The following CDK5 variants were observed in gnomAD, a reference collection of about 807,000 sequenced individuals.
The protein encoded by CDK5 is cyclin-dependent kinase 5.
Under a neutral mutation model 44.6 loss-of-function variants are expected in CDK5, and 18 were observed. That is an observed-to-expected ratio of 0.40 (90% CI 0.28 to 0.60). The LOEUF (loss-of-function observed/expected upper bound fraction) is 0.60, where lower values mean the gene tolerates loss of function less well. Ranked by LOEUF, CDK5 falls within the 20% of genes least tolerant of loss-of-function variation. The pLI is 0.38. For synonymous variants in CDK5, 143 were observed against 152.8 expected (o/e 0.94, Z 0.47); for missense variants, 198 against 368.1 (o/e 0.54, Z 3.78).
chr7:151,057,019 C>G lies in CDK5; in HGVS notation c.127-44G>C. The G allele has an allele frequency of 6.2e-7, 1 of 1,613,470 alleles. No homozygotes were observed. The highest frequency in any genetic ancestry group is 8.5e-7 in the Non-Finnish European group (1 of 1,179,438). ...CGGTGGGCAGCAGTCAGATCCCACC[C>G]AGCCCAGGCCCTCAAACCCCTCCCC... is the stretch of plus-strand genomic sequence containing the variant. On this transcript the variant is annotated intron_variant, in intron 2 of 11. Coordinates refer to ENST00000485972, the MANE Select transcript of CDK5 (RefSeq NM_004935.4). The surrounding 1 kb of genome is among the most constrained non-coding windows in gnomAD (Gnocchi z 5.2).
Position 151,055,523 on chromosome 7 carries a change from C to G in CDK5, c.483+9G>C. On this transcript the variant is annotated intron_variant, in intron 7 of 11. Transcript: ENST00000485972. ...CTCCCCCAATCCCATATCCCATCTT[C>G]TAGCTCACCTCAGCTGAGTAACAGC... 2 of 1,613,416 alleles carry G rather than the reference C, an allele frequency of 1.2e-6. No individual in the cohort carries two copies. Among genetic ancestry groups the G allele is most frequent in the East Asian group, 4.5e-5 (2 of 44,882 alleles).
In CDK5 at chr7:151,056,775, G is replaced by A. The variant is rs531146226; in HGVS notation, c.216C>T (p.Ser72=). The A allele has an allele frequency of 1.9e-4, 301 of 1,612,308 alleles. 1 individual carries two copies. The South Asian group carries it at 2.8e-3, about 15-fold the overall frequency. The change falls in exon 4 of 12, where the codon AGC becomes AGT. Residue 72 remains serine, a synonymous_variant. Transcript: ENST00000485972. This position sits in a 1 kb window ranked among gnomAD's most constrained non-coding sequence, Gnocchi z 4.7. The stretch of plus-strand genomic sequence containing the variant: ...CAAAAACCAAAGTCAGCTTCTTGTC[G>A]CTGTGCAGGACGTCATGAAGCCTAG... ...NIVRLHDVLH[S]DKKLTLVFEF...
rs2150360771 is a variant in CDK5 at position 151,053,861 on chromosome 7, G to A, written c.*148C>T. ...TGAAATTAAATAAAGTCCACAAAGG[G>A]AGTGAGAAATTCGGGCTCAGGCACC... On this transcript the variant is annotated 3_prime_UTR_variant, in exon 12 of 12. Coordinates refer to ENST00000485972, the MANE Select transcript of CDK5 (RefSeq NM_004935.4). 2 of 635,466 alleles carry A rather than the reference G, an allele frequency of 3.1e-6. No homozygotes were observed. Among genetic ancestry groups the A allele is most frequent in the South Asian group, 3.8e-5 (2 of 52,068 alleles). 39.4% of individuals were successfully genotyped at this position (635,466 alleles called of 1,614,324 possible).
At chr7:151,055,249 G>T in intron 8 of CDK5, 28 bp downstream of exon 8, 1 of 1,596,534 alleles carries the variant, frequency 6.3e-7, no homozygotes, top group Non-Finnish European at 8.6e-7. Flanking sequence ...GGGAAAGAAG[G>T]TGCCTCTGCA....
Position 151,054,812 on chromosome 7 carries a change from C to T in CDK5, c.650+215G>A, listed in dbSNP as rs1329941971. 1.3e-5 allele frequency among the ~76,000 whole-genome samples: 2 copies of T among 152,170 alleles called. No homozygotes were observed. Among genetic ancestry groups the T allele is most frequent in the Non-Finnish European group, 2.9e-5 (2 of 68,018 alleles). ...ACCCTCTCGGCTTCACCCCTCAGGG[C>T]ACGCTGCCTGTCTCCAAGCCACACC... On this transcript the variant is annotated intron_variant, in intron 9 of 11. Transcript: ENST00000485972. This position sits in a 1 kb window ranked among gnomAD's most constrained non-coding sequence, Gnocchi z 5.7.
intron 7 of CDK5, 73 bp from the exon 8 acceptor site, chr7:151,055,446 A>C (rs960591104): frequency 4.5e-6 from 7 of 1,557,756 alleles, no homozygotes; most frequent in Non-Finnish European, 6.2e-6. Context: ...GGAGGCTCAG[A>C]GAGGAGAGGA....
In CDK5 at chr7:151,057,527, G is replaced by T. The variant is rs1382455503; in HGVS notation, c.37+285C>A. ...GAAACGAGGCTGGGGGTCGGGGTGAGGTTGTCCAAGTGCTGCTGAGGCTGG... is the reference window on the plus strand; with the variant it reads ...GAAACGAGGCTGGGGGTCGGGGTGATGTTGTCCAAGTGCTGCTGAGGCTGG... On this transcript the variant is annotated intron_variant, in intron 1 of 11. Transcript: ENST00000485972. The surrounding 1 kb of genome is among the most constrained non-coding windows in gnomAD (Gnocchi z 5.2). The T allele has an allele frequency of 1.0e-5, 6 of 600,970 alleles. No homozygotes were observed. Among genetic ancestry groups the T allele is most frequent in the Non-Finnish European group, 1.5e-5 (5 of 338,540 alleles). 37.2% of individuals were successfully genotyped at this position (600,970 alleles called of 1,614,324 possible).
chr7:151,054,540 C>T lies in CDK5; in HGVS notation c.651-75G>A, dbSNP rs1295906871. 2.1e-6 allele frequency: 3 copies of T among 1,419,746 alleles called. No homozygotes were observed. The highest frequency in any genetic ancestry group is 2.8e-5 in the African/African-American group (2 of 70,488). The allele number at this position is 1,419,746 out of a possible 1,614,324, so 87.9% of individuals were successfully genotyped here. A position where few individuals can be genotyped will look rare whatever the true frequency, so the allele number is the denominator to read the frequency against. On this transcript the variant is annotated intron_variant, in intron 9 of 11. Transcript: ENST00000485972. This position sits in a 1 kb window ranked among gnomAD's most constrained non-coding sequence, Gnocchi z 5.7. ...CAGGGGCAGGGTGAGGGCCTCTTCC[C>T]CTCCTGGGGAGGGATTCCTCATACC... is the stretch of plus-strand genomic sequence containing the variant.
rs1796925747 is a variant in CDK5, at chr7:151,057,578, G to C, written c.37+234C>G. 1.6e-6 allele frequency: 1 copy of C among 619,270 alleles called. No individual in the cohort carries two copies. Among genetic ancestry groups the C allele is most frequent in the Non-Finnish European group, 2.9e-6 (1 of 347,902 alleles). The allele number at this position is 619,270 out of a possible 1,614,324, so 38.4% of individuals were successfully genotyped here. A position where few individuals can be genotyped will look rare whatever the true frequency, so the allele number is the denominator to read the frequency against. On this transcript the variant is annotated intron_variant, in intron 1 of 11. Transcript: ENST00000485972. This position sits in a 1 kb window ranked among gnomAD's most constrained non-coding sequence, Gnocchi z 5.2. ...GGTGAGAAATTTCAGGAAGTGTCGC[G>C]GTTGGGAGGTCGGGTCTACTGGGAA...
Position 151,055,292 on chromosome 7 carries a change from C to T in CDK5, c.565G>A (p.Gly189Ser), listed in dbSNP as rs1224846996. ...AGCACATCACCTGCAAAGATGCAGCCGGCTGACCACATGTCGATGGACGTG... is the reference window on the plus strand; with the variant it reads ...AGCACATCACCTGCAAAGATGCAGCTGGCTGACCACATGTCGATGGACGTG... ...YSTSIDMWSAGCIFAELANAG... is the reference protein window; with the variant it reads ...YSTSIDMWSASCIFAELANAG... Residue 189 changes from glycine to serine, a missense_variant, in exon 8 of 12, where the codon GGC (glycine) becomes AGC (serine). Around this residue, in one of 4 missense-constraint regions of CDK5, gnomAD observed 38 missense variants for 115.0 expected, o/e 0.33. Coordinates refer to ENST00000485972, the MANE Select transcript of CDK5 (RefSeq NM_004935.4). The T allele has an allele frequency of 3.7e-6, 6 of 1,613,616 alleles. No homozygotes were observed. The highest frequency in any genetic ancestry group is 1.7e-5 in the Admixed American group (1 of 60,006).
At position 151,056,820 on chromosome 7, in the gene CDK5, C is replaced by T. The variant is rs1406362311; in HGVS notation, c.195-24G>A. The stretch of plus-strand genomic sequence containing the variant: ...GCCTAGGGCAAAAGAAGGGCTCAGC[C>T]AGGCAGGTCCGCCTGACAGACGTCC... On this transcript the variant is annotated intron_variant, in intron 3 of 11. Coordinates refer to ENST00000485972, the MANE Select transcript of CDK5 (RefSeq NM_004935.4). This position sits in a 1 kb window ranked among gnomAD's most constrained non-coding sequence, Gnocchi z 4.7. 1 of 1,604,948 alleles carries T rather than the reference C, an allele frequency of 6.2e-7. No individual in the cohort carries two copies. The highest frequency in any genetic ancestry group is 1.1e-5 in the South Asian group (1 of 89,816).
chr7:151,055,227 G>T (rs746649408), intron 8 of CDK5, 50 bp downstream of exon 8: 1 of 1,581,486 alleles, frequency 6.3e-7, no homozygotes, highest in Non-Finnish European at 8.7e-7. Flanking sequence ...GACCCTATTT[G>T]TCAACTCAAA....
In CDK5 at chr7:151,057,037, C is replaced by T; in HGVS notation, c.126+35G>A. The T allele has an allele frequency of 6.2e-7, 1 of 1,613,354 alleles. No individual in the cohort carries two copies. The highest frequency in any genetic ancestry group is 1.1e-5 in the South Asian group (1 of 91,070). ...TCCCACCCAGCCCAGGCCCTCAAAC[C>T]CCTCCCCAGGCCGTATCCCACTCCC... On this transcript the variant is annotated intron_variant, in intron 2 of 11. Coordinates refer to ENST00000485972, the MANE Select transcript of CDK5 (RefSeq NM_004935.4). This position sits in a 1 kb window ranked among gnomAD's most constrained non-coding sequence, Gnocchi z 5.2.
chr7:151,055,324 A>G lies in CDK5; in HGVS notation c.533T>C (p.Leu178Pro), dbSNP rs1796874551. The G allele has an allele frequency of 6.2e-7, 1 of 1,613,982 alleles. No individual in the cohort carries two copies. The change falls in exon 8 of 12, where the codon CTG becomes CCG. Residue 178 changes from leucine (L) to proline (P), a missense_variant. Leu to Pro is a moderately conservative substitution (Grantham distance 98). This residue lies in a region of CDK5 where 38 missense variants were observed against 115.0 expected (regional missense o/e 0.33). Coordinates refer to ENST00000485972, the MANE Select transcript of CDK5 (RefSeq NM_004935.4). ...CCACATGTCGATGGACGTGGAGTAC[A>G]GCTTGGCCCCAAAGAGGACATCCGG... ...RPPDVLFGAK[L>P]YSTSIDMWSA...
chr7:151,056,834 T>C lies in CDK5; in HGVS notation c.195-38A>G. 6.2e-7 allele frequency: 1 copy of C among 1,600,352 alleles called. No individual in the cohort carries two copies. The highest frequency in any genetic ancestry group is 2.3e-5 in the East Asian group (1 of 44,146). ...AAGGGCTCAGCCAGGCAGGTCCGCC[T>C]GACAGACGTCCAGTGTCAGCCCCCG... On this transcript the variant is annotated intron_variant, in intron 3 of 11. Coordinates refer to ENST00000485972, the MANE Select transcript of CDK5 (RefSeq NM_004935.4). The surrounding 1 kb of genome is among the most constrained non-coding windows in gnomAD (Gnocchi z 4.7).
rs1267870703 is a variant in CDK5, at chr7:151,056,170, C to A, written c.313-322G>T. The A allele has an allele frequency of 5.9e-6, 3 of 512,506 alleles. No homozygotes were observed. Among genetic ancestry groups the A allele is most frequent in the Admixed American group, 3.4e-5 (1 of 29,404 alleles). 31.7% of individuals were successfully genotyped at this position (512,506 alleles called of 1,614,324 possible). A position where few individuals can be genotyped will look rare whatever the true frequency, so the allele number is the denominator to read the frequency against. On this transcript the variant is annotated intron_variant, in intron 5 of 11. Transcript: ENST00000485972. This position sits in a 1 kb window ranked among gnomAD's most constrained non-coding sequence, Gnocchi z 4.7. ...CTTCCTGGCCGCATCTGAGTATGCACGCCGTGAACATCAACATAAATATCG... is the reference window on the plus strand; with the variant it reads ...CTTCCTGGCCGCATCTGAGTATGCAAGCCGTGAACATCAACATAAATATCG...
chr7:151,057,230 A>C lies in CDK5; in HGVS notation c.38-70T>G, dbSNP rs571551285. 8.7e-7 allele frequency: 1 copy of C among 1,151,642 alleles called. No homozygotes were observed. Among genetic ancestry groups the C allele is most frequent in the Non-Finnish European group, 1.3e-6 (1 of 758,080 alleles). The allele number at this position is 1,151,642 out of a possible 1,614,324, so 71.3% of individuals were successfully genotyped here. A position where few individuals can be genotyped will look rare whatever the true frequency, so the allele number is the denominator to read the frequency against. ...TCCCTAAGCCAGGAAATGCCTCCTG[A>C]GAGAGGTGAAGGCAGCGTCTCAGTA... On this transcript the variant is annotated intron_variant, in intron 1 of 11. Coordinates refer to ENST00000485972, the MANE Select transcript of CDK5 (RefSeq NM_004935.4). This position sits in a 1 kb window ranked among gnomAD's most constrained non-coding sequence, Gnocchi z 5.2.
Position 151,054,067 on chromosome 7 carries a change from C to A in CDK5, c.821G>T (p.Arg274Leu). ...QNLLKCNPVQ[R>L]ISAEEALQHP... ...CTGCAGGGCCTCTTCTGCTGAGATA[C>A]GCTGGACAGGGTTACACTTCAGAAG... The change falls in exon 12 of 12, where the codon CGT (arginine) becomes CTT (leucine). Residue 274 changes from arginine to leucine, a missense_variant. Coordinates refer to ENST00000485972, the MANE Select transcript of CDK5 (RefSeq NM_004935.4). The surrounding 1 kb of genome is among the most constrained non-coding windows in gnomAD (Gnocchi z 5.7). 1 of 1,602,414 alleles carries A rather than the reference C, an allele frequency of 6.2e-7. No individual in the cohort carries two copies. The highest frequency in any genetic ancestry group is 8.5e-7 in the Non-Finnish European group (1 of 1,174,612).
At position 151,056,128 on chromosome 7, in the gene CDK5, G is replaced by A. The variant is rs1796888446; in HGVS notation, c.313-280C>T. The A allele has an allele frequency of 1.9e-6, 1 of 539,766 alleles. No homozygotes were observed. The highest frequency in any genetic ancestry group is 3.3e-6 in the Non-Finnish European group (1 of 302,292). The allele number at this position is 539,766 out of a possible 1,614,324, so 33.4% of individuals were successfully genotyped here. A position where few individuals can be genotyped will look rare whatever the true frequency, so the allele number is the denominator to read the frequency against. ...GATCCTAGATCCGGCCTAGATCCCA[G>A]CCCATGCTGATCTTCCCTTCCTGGC... On this transcript the variant is annotated intron_variant, in intron 5 of 11. Coordinates refer to ENST00000485972, the MANE Select transcript of CDK5 (RefSeq NM_004935.4). The surrounding 1 kb of genome is among the most constrained non-coding windows in gnomAD (Gnocchi z 4.7).
Sources: allele counts gnomAD v4.1 joint callset (sites outside exome capture counted in the v4.1 genomes callset), GRCh38; gene constraint gnomAD v4.1.1; regional missense constraint gnomAD v4.1.1; non-coding constraint Gnocchi (gnomAD v3.1); transcripts MANE v1.5; gene names NCBI Gene and HGNC (gene_info 2026-07-23, HGNC 2026-07-21).